The following LRTM2 variants were observed in gnomAD, a reference collection of about 807,000 sequenced individuals.
The protein encoded by LRTM2 is leucine-rich repeat and transmembrane domain-containing protein 2.
Under a neutral mutation model 28.1 loss-of-function variants are expected in LRTM2, and 18 were observed. The ratio of observed to expected loss-of-function variants is 0.64; its 90% CI spans 0.44 to 0.95. LRTM2 has a LOEUF of 0.95. Among genes scored for constraint, LRTM2 ranks in the 40% least tolerant of loss-of-function variants. The pLI is 0.00. For synonymous variants in LRTM2, 250 were observed against 218.7 expected, an observed-to-expected ratio of 1.14 and a Z score of -1.26; for missense variants, 436 against 497.2, an observed-to-expected ratio of 0.88 and a Z score of 1.17.
chr12:1,834,961 G>C lies in LRTM2; in HGVS notation c.*240G>C, dbSNP rs146521480. ...GGGCCAGTAAATCTTTGGAACATGT[G>C]GGGGATCTCCCTAAGCTCTGGCCAC... On this transcript the variant is annotated 3_prime_UTR_variant, in exon 5 of 5. Transcript: ENST00000299194. This position sits in a 1 kb window ranked among gnomAD's most constrained non-coding sequence, Gnocchi z 7.6. 7 of 692,896 alleles carry C rather than the reference G, an allele frequency of 1.0e-5. No individual in the cohort carries two copies. The highest frequency in any genetic ancestry group is 2.9e-5 in the East Asian group (1 of 33,940). 42.9% of individuals were successfully genotyped at this position (692,896 alleles called of 1,614,324 possible).
chr12:1,830,956 T>C lies in LRTM2; in HGVS notation c.89T>C (p.Leu30Pro). 1 of 1,610,818 alleles carries C rather than the reference T, an allele frequency of 6.2e-7. No homozygotes were observed. Among genetic ancestry groups the C allele is most frequent in the Non-Finnish European group, 8.5e-7 (1 of 1,177,790 alleles). ...CAAGGGATCACCTGCTGGATCGCCC[T>C]GTATGCTGTGGAGGCCCTCCCCACC... ...QVSWITCWIALYAVEALPTCP... is the reference protein window; with the variant it reads ...QVSWITCWIAPYAVEALPTCP... The change falls in exon 4 of 5, where the codon CTG becomes CCG. Residue 30 changes from leucine (L) to proline (P), a missense_variant. Coordinates refer to ENST00000299194, the MANE Select transcript of LRTM2 (RefSeq NM_001039029.3).
At chr12:1,831,567 G>T (rs202139748) in intron 4 of LRTM2, 42 bp downstream of exon 4, 4 of 1,510,466 alleles carry the variant, frequency 2.6e-6, no homozygotes, top group Non-Finnish European at 3.6e-6. Context: ...GGATTGGGAC[G>T]ATCACCTCTG....
Position 1,820,824 on chromosome 12 carries a change from G to T in LRTM2, c.-259+10G>T, listed in dbSNP as rs945245866. 2.0e-5 allele frequency: 3 copies of T among 152,356 alleles called. No individual in the cohort carries two copies. Among genetic ancestry groups the T allele is most frequent in the Non-Finnish European group, 4.4e-5 (3 of 68,136 alleles). The allele number at this position is 152,356 out of a possible 1,614,324, so 9.4% of individuals were successfully genotyped here. A position where few individuals can be genotyped will look rare whatever the true frequency, so the allele number is the denominator to read the frequency against. On this transcript the variant is annotated intron_variant, in intron 1 of 4. Coordinates refer to ENST00000299194, the MANE Select transcript of LRTM2 (RefSeq NM_001039029.3). This position sits in a 1 kb window ranked among gnomAD's most constrained non-coding sequence, Gnocchi z 6.0. ...GTCAGAGTAAAGACGGGTGAGTACCGAGTGGCTGGTAGGAAGGAATGGAGG... is the reference window on the plus strand; with the variant it reads ...GTCAGAGTAAAGACGGGTGAGTACCTAGTGGCTGGTAGGAAGGAATGGAGG...
In LRTM2 at chr12:1,833,701, T is replaced by C. The variant is rs1176538864; in HGVS notation, c.659-566T>C. On this transcript the variant is annotated intron_variant, in intron 4 of 4. Transcript: ENST00000299194. The surrounding 1 kb of genome is among the most constrained non-coding windows in gnomAD (Gnocchi z 4.2). Reference sequence around the variant, plus strand: ...ACGCCAGGAAGGGAGCTGCCCATTCTTAGGCAACCAAAAGGTCTTGCGTGG... The same window carrying C: ...ACGCCAGGAAGGGAGCTGCCCATTCCTAGGCAACCAAAAGGTCTTGCGTGG... Among the ~76,000 whole-genome samples, 1 of 152,224 alleles carries C rather than the reference T, an allele frequency of 6.6e-6. No individual in the cohort carries two copies. The highest frequency in any genetic ancestry group is 1.5e-5 in the Non-Finnish European group (1 of 68,046).
rs944661236 is a variant in LRTM2, at chr12:1,820,569, C to G, written c.-504C>G. On this transcript the variant is annotated 5_prime_UTR_variant, in exon 1 of 5. Transcript: ENST00000299194. This position sits in a 1 kb window ranked among gnomAD's most constrained non-coding sequence, Gnocchi z 6.0. ...CTCCTCTCTCTCTCTCCCTCCATCC[C>G]TCTCTTTCCTTCTCAGTTTGTGACT... 6.6e-6 allele frequency: 1 copy of G among 152,476 alleles called. No homozygotes were observed. Among genetic ancestry groups the G allele is most frequent in the Non-Finnish European group, 1.5e-5 (1 of 68,216 alleles). The allele number at this position is 152,476 out of a possible 1,614,324, so 9.4% of individuals were successfully genotyped here.
Position 1,828,027 on chromosome 12 carries a change from G to C in LRTM2, c.-73-49G>C, listed in dbSNP as rs1592685417. 1 of 869,770 alleles carries C rather than the reference G, an allele frequency of 1.1e-6. No homozygotes were observed. The highest frequency in any genetic ancestry group is 1.6e-6 in the Non-Finnish European group (1 of 606,458). 53.9% of individuals were successfully genotyped at this position (869,770 alleles called of 1,614,324 possible). A position where few individuals can be genotyped will look rare whatever the true frequency, so the allele number is the denominator to read the frequency against. On this transcript the variant is annotated intron_variant, in intron 2 of 4. Coordinates refer to ENST00000299194, the MANE Select transcript of LRTM2 (RefSeq NM_001039029.3). The surrounding 1 kb of genome is among the most constrained non-coding windows in gnomAD (Gnocchi z 4.2). The stretch of plus-strand genomic sequence containing the variant: ...GGCCCTCTCCCTAACCCCTGGGCTG[G>C]AACGGGGCTCCCGCGCCTGCCTGTG...
rs191415184 is a variant in LRTM2, at chr12:1,828,040, G to T, written c.-73-36G>T. The T allele has an allele frequency of 6.6e-6, 7 of 1,064,176 alleles. No individual in the cohort carries two copies. The highest frequency in any genetic ancestry group is 8.9e-6 in the Non-Finnish European group (7 of 782,210). The allele number at this position is 1,064,176 out of a possible 1,614,324, so 65.9% of individuals were successfully genotyped here. A position where few individuals can be genotyped will look rare whatever the true frequency, so the allele number is the denominator to read the frequency against. ...ACCCCTGGGCTGGAACGGGGCTCCC[G>T]CGCCTGCCTGTGCTCAGTGCTCCTC... On this transcript the variant is annotated intron_variant, in intron 2 of 4. Coordinates refer to ENST00000299194, the MANE Select transcript of LRTM2 (RefSeq NM_001039029.3). The surrounding 1 kb of genome is among the most constrained non-coding windows in gnomAD (Gnocchi z 4.2).
intron 4 of LRTM2, among the ~76,000 whole-genome samples, 165 bp downstream of exon 4, chr12:1,831,690 C>A (rs1483322856): frequency 3.3e-5 from 5 of 152,174 alleles, no homozygotes; most frequent in Non-Finnish European, 7.3e-5. Flanking sequence ...CAAGCCTCCC[C>A]TCACATGAGC....
intron 4 of LRTM2, among the ~76,000 whole-genome samples, chr12:1,832,056 A>G (rs531336223): frequency 1.4e-4 from 21 of 152,324 alleles, no homozygotes; most frequent in African/African-American, 4.8e-4. Flanking sequence ...CCCAAGTTTT[A>G]TTATCCAAAC....
chr12:1,824,617 C>T (rs954523413), intron 1 of LRTM2, among the ~76,000 whole-genome samples: 1 of 152,178 alleles, frequency 6.6e-6, no homozygotes, highest in Non-Finnish European at 1.5e-5. Context: ...TCTCGCTGTC[C>T]CCCATGCTGC....
At position 1,826,411 on chromosome 12, in the gene LRTM2, C is replaced by CCGT. The variant is rs36095794; in HGVS notation, c.-258-998_-258-997insGTC. On this transcript the variant is annotated intron_variant, in intron 1 of 4. Coordinates refer to ENST00000299194, the MANE Select transcript of LRTM2 (RefSeq NM_001039029.3). ...GATTTGAACCCAGAGCCCCCCCCCCCCCCCCGCCAACTGGCACCAGGAGCC... is the reference window on the plus strand; with the variant it reads ...GATTTGAACCCAGAGCCCCCCCCCCCCGTCCCCCGCCAACTGGCACCAGGAGCC... Among the ~76,000 whole-genome samples the CCGT allele has an allele frequency of 3.1e-4, 32 of 102,684 alleles. 1 individual carries two copies. Among genetic ancestry groups the CCGT allele is most frequent in the African/African-American group, 1.2e-3 (28 of 22,814 alleles). The allele number at this position is 102,684 out of a possible 152,430, so 67.4% of individuals were successfully genotyped here.
At position 1,828,223 on chromosome 12, in the gene LRTM2, CACCCCTGGCCTCGGA is replaced by C. The variant is rs1565692456; in HGVS notation, c.67+9_67+23del. ...AGTGGAGGCAAGTCTCCTGTGAGTACACCCCTGGCCTCGGAGGGGGGTGCGGGTTGGGTGGGGGTG... is the reference window on the plus strand; with the variant it reads ...AGTGGAGGCAAGTCTCCTGTGAGTACGGGGGGTGCGGGTTGGGTGGGGGTG... On this transcript the variant is annotated intron_variant, in intron 3 of 4. Coordinates refer to ENST00000299194, the MANE Select transcript of LRTM2 (RefSeq NM_001039029.3). The surrounding 1 kb of genome is among the most constrained non-coding windows in gnomAD (Gnocchi z 4.2). 1 of 1,538,974 alleles carries C rather than the reference CACCCCTGGCCTCGGA, an allele frequency of 6.5e-7. No individual in the cohort carries two copies. Among genetic ancestry groups the C allele is most frequent in the Admixed American group, 2.0e-5 (1 of 50,040 alleles).
intron 1 of LRTM2, among the ~76,000 whole-genome samples, chr12:1,826,706 C>CA (rs1555177954): frequency 2.0e-5 from 3 of 152,080 alleles, no homozygotes; most frequent in South Asian, 2.1e-4. Context: ...CTGCCCTTGC[C>CA]GGGGGCAGAG....
In LRTM2 at chr12:1,831,401, T is replaced by C. The variant is rs373578062; in HGVS notation, c.534T>C (p.Asn178=). ...CGCTTCGCTCCAACCGTCTGCAGAA[T>C]CTGGACCGGCTGACATTTGAACCCC... ...SLSLRSNRLQ[N]LDRLTFEPLA... is the part of the protein sequence containing the mutation. The change falls in exon 4 of 5, where the codon AAT becomes AAC. Residue 178 remains asparagine (N), a synonymous_variant. Coordinates refer to ENST00000299194, the MANE Select transcript of LRTM2 (RefSeq NM_001039029.3). The C allele has an allele frequency of 6.8e-6, 11 of 1,613,970 alleles. No homozygotes were observed. The African/African-American group carries it at 1.5e-4, about 22-fold the overall frequency.
intron 2 of LRTM2, 159 bp from the exon 3 acceptor site, chr12:1,827,917 C>T (rs542770624): frequency 4.9e-6 from 2 of 411,118 alleles, no homozygotes; most frequent in Non-Finnish European, 8.5e-6. Flanking sequence ...GGCTTGAAGG[C>T]TTCCTGGCTC....
rs1023652666 is a variant in LRTM2 at position 1,828,061 on chromosome 12, T to TCCTC, written c.-73-6_-73-3dup. 22 of 1,303,966 alleles carry TCCTC rather than the reference T, an allele frequency of 1.7e-5. No individual in the cohort carries two copies. Among genetic ancestry groups the TCCTC allele is most frequent in the African/African-American group, 9.1e-5 (6 of 66,106 alleles). 80.8% of individuals were successfully genotyped at this position (1,303,966 alleles called of 1,614,324 possible). A position where few individuals can be genotyped will look rare whatever the true frequency, so the allele number is the denominator to read the frequency against. On this transcript the variant is annotated splice_polypyrimidine_tract_variant and intron_variant, in intron 2 of 4. Coordinates refer to ENST00000299194, the MANE Select transcript of LRTM2 (RefSeq NM_001039029.3). The surrounding 1 kb of genome is among the most constrained non-coding windows in gnomAD (Gnocchi z 4.2). ...TCCCGCGCCTGCCTGTGCTCAGTGC[T>TCCTC]CCTCCCTCCCTCAGGACTGACAGGC...
In LRTM2 at chr12:1,833,710, C is replaced by T. The variant is rs924252711; in HGVS notation, c.659-557C>T. On this transcript the variant is annotated intron_variant, in intron 4 of 4. Transcript: ENST00000299194. The surrounding 1 kb of genome is among the most constrained non-coding windows in gnomAD (Gnocchi z 4.2). ...AGGGAGCTGCCCATTCTTAGGCAAC[C>T]AAAAGGTCTTGCGTGGAGGGGCAGC... is the stretch of plus-strand genomic sequence containing the variant. Among the ~76,000 whole-genome samples, 2 of 152,182 alleles carry T rather than the reference C, an allele frequency of 1.3e-5. No individual in the cohort carries two copies. The highest frequency in any genetic ancestry group is 2.9e-5 in the Non-Finnish European group (2 of 68,024).
intron 4 of LRTM2, 56 bp downstream of exon 4, chr12:1,831,581 C>G: frequency 1.4e-6 from 2 of 1,418,790 alleles, no homozygotes; most frequent in Non-Finnish European, 1.9e-6. Context: ...ACCTCTGGCC[C>G]CACACTTTCC....
Position 1,829,517 on chromosome 12 carries a change from AGGGAGGCCT to A in LRTM2, c.67+1306_67+1314del, listed in dbSNP as rs1486370149. Reference sequence around the variant, plus strand: ...ACAGTGAGGCTTGCTGTTAGGCTGCAGGGAGGCCTGGGCCAGATCTAGCCACGTGTCAGC... The same window carrying A: ...ACAGTGAGGCTTGCTGTTAGGCTGCAGGGCCAGATCTAGCCACGTGTCAGC... On this transcript the variant is annotated intron_variant, in intron 3 of 4. Transcript: ENST00000299194. This position sits in a 1 kb window ranked among gnomAD's most constrained non-coding sequence, Gnocchi z 4.2. 1.3e-5 allele frequency among the ~76,000 whole-genome samples: 2 copies of A among 152,040 alleles called. No individual in the cohort carries two copies. The highest frequency in any genetic ancestry group is 2.9e-5 in the Non-Finnish European group (2 of 67,990).
Sources: gnomAD v4.1 joint callset for allele counts (sites outside exome capture counted in the v4.1 genomes callset) on GRCh38, gnomAD v4.1.1 for gene constraint, Gnocchi (gnomAD v3.1) non-coding constraint, MANE v1.5 for transcripts, NCBI Gene and HGNC (gene_info 2026-07-23, HGNC 2026-07-21) for gene names.